The following TOP1MT variants were observed in gnomAD, a reference collection of about 807,000 sequenced individuals.
The protein encoded by TOP1MT is DNA topoisomerase I, mitochondrial.
A neutral mutation model predicts 73.9 loss-of-function variants in TOP1MT; 80 were observed. The ratio of observed to expected loss-of-function variants is 1.08; its 90% CI spans 0.90 to 1.30. The LOEUF (loss-of-function observed/expected upper bound fraction) is 1.30, where lower values mean the gene tolerates loss of function less well. Ranked by LOEUF, TOP1MT falls within the 50% of genes most tolerant of loss-of-function variation. TOP1MT has a pLI of 0.00. For missense variants in TOP1MT, 815 were observed against 808.0 expected (o/e 1.01, Z -0.10); for synonymous variants, 338 against 326.4 (o/e 1.04, Z -0.38).
chr8:143,329,616 A>C (rs1816799795), intron 2 of TOP1MT, 145 bp from the exon 3 acceptor site: 1 of 959,950 alleles, frequency 1.0e-6, no homozygotes, highest in Non-Finnish European at 1.5e-6. Context: ...GTTCAGAAGC[A>C]TGTTCTGCAT....
intron 1 of TOP1MT, among the ~76,000 whole-genome samples, chr8:143,333,078 A>T (rs1282021787): frequency 6.6e-6 from 1 of 152,208 alleles, no homozygotes; most frequent in African/African-American, 2.4e-5. Flanking sequence ...AAACCTAGAC[A>T]ACGCCTTCTT....
In TOP1MT at chr8:143,326,465, T is replaced by C. The variant is rs1407654220; in HGVS notation, c.361-121A>G. The stretch of plus-strand genomic sequence containing the variant: ...ATGTCCGACGGAGGCGTGTGTGCAA[T>C]AGGCAGAACCTGCGCACGGTCCTGC... On this transcript the variant is annotated intron_variant, in intron 3 of 13. Coordinates refer to ENST00000329245, the MANE Select transcript of TOP1MT (RefSeq NM_052963.3). The C allele has an allele frequency of 2.5e-5, 34 of 1,361,096 alleles. No homozygotes were observed. In the Admixed American group the frequency reaches 2.8e-4, roughly 11 times the overall value. 84.3% of individuals were successfully genotyped at this position (1,361,096 alleles called of 1,614,324 possible). A position where few individuals can be genotyped will look rare whatever the true frequency, so the allele number is the denominator to read the frequency against.
intron 1 of TOP1MT, among the ~76,000 whole-genome samples, chr8:143,354,041 A>G (rs1263100601): frequency 6.6e-6 from 1 of 151,646 alleles, no homozygotes; most frequent in Non-Finnish European, 1.5e-5. Flanking sequence ...GGAGCCAGAA[A>G]TTCCACTTCT....
At chr8:143,311,148 T>C (rs1816005589) in intron 12 of TOP1MT, among the ~76,000 whole-genome samples, 1 of 146,738 alleles carries the variant, frequency 6.8e-6, no homozygotes, top group East Asian at 2.0e-4. Context: ...TTTGTATTTT[T>C]AGCAGAGACA....
intron 12 of TOP1MT, among the ~76,000 whole-genome samples, chr8:143,313,223 A>G (rs1816058720): frequency 6.6e-6 from 1 of 152,208 alleles, no homozygotes; most frequent in Admixed American, 6.5e-5. Context: ...GACTCATCCA[A>G]ATCTTAAATG....
At chr8:143,322,763 C>G (rs1210568683) in intron 7 of TOP1MT, among the ~76,000 whole-genome samples, 3 of 35,904 alleles carry the variant, frequency 8.4e-5, no homozygotes, top group African/African-American at 1.3e-4. Flanking sequence ...ACGCCACACA[C>G]GCACGCCACA....
At chr8:143,327,816 G>C in intron 3 of TOP1MT, 2 of 398,298 alleles carry the variant, frequency 5.0e-6, no homozygotes, top group Non-Finnish European at 9.9e-6. Context: ...GGAAGCACAG[G>C]CTCCAGCAGC....
upstream of TOP1MT, among the ~76,000 whole-genome samples, chr8:143,339,113 G>T (rs1053874673): frequency 3.9e-5 from 6 of 152,216 alleles, no homozygotes; most frequent in Non-Finnish European, 8.8e-5. Flanking sequence ...TGCAGGGACT[G>T]CCCAGGTGGG....
intron 7 of TOP1MT, among the ~76,000 whole-genome samples, chr8:143,322,537 G>GCACGCCA (rs1816483603): frequency 1.2e-5 from 1 of 85,788 alleles, no homozygotes. Flanking sequence ...CGCCAAAGAT[G>GCACGCCA]CACGCCACAC....
rs764300347 is a variant in TOP1MT, at chr8:143,309,776, G to A, written c.1704-233C>T. On this transcript the variant is annotated intron_variant, in intron 13 of 13. Coordinates refer to ENST00000329245, the MANE Select transcript of TOP1MT (RefSeq NM_052963.3). ...GGCCTAGGTGTCCACCGAGCAGGGC[G>A]CTCAGCCACCTCCCACTCCCTGTGG... The A allele has an allele frequency of 2.0e-5, 30 of 1,533,222 alleles. No homozygotes were observed. In the South Asian group the frequency reaches 2.4e-4, roughly 12 times the overall value. The allele number at this position is 1,533,222 out of a possible 1,614,324, so 95.0% of individuals were successfully genotyped here.
chr8:143,310,336 A>G, intron 12 of TOP1MT, 119 bp from the exon 13 acceptor site: 1 of 743,222 alleles, frequency 1.3e-6, no homozygotes, highest in Non-Finnish European at 2.0e-6. Flanking sequence ...TGTCATTGTC[A>G]TCAGTCATCC....
rs758794605 is a variant in TOP1MT, at chr8:143,321,354, GTCC to G, written c.990_992del (p.Glu330del). ...AGCCCACGGTGTCGGCCGCCTCACC[GTCC>G]TCCTTCTCATTTCCTGCTCTCAGTG... On this transcript the variant is annotated inframe_deletion, in exon 8 of 14. Coordinates refer to ENST00000329245, the MANE Select transcript of TOP1MT (RefSeq NM_052963.3). 5 of 1,595,432 alleles carry G rather than the reference GTCC, an allele frequency of 3.1e-6. No homozygotes were observed. The highest frequency in any genetic ancestry group is 3.4e-5 in the Admixed American group (2 of 59,144).
chr8:143,324,192 A>G, intron 6 of TOP1MT, 50 bp from the exon 7 acceptor site: 2 of 1,602,728 alleles, frequency 1.2e-6, no homozygotes, highest in Non-Finnish European at 1.7e-6. Context: ...CCTGTTAAAT[A>G]ACGGAGGAGG....
chr8:143,337,903 CCT>C (rs747385075), upstream of TOP1MT, among the ~76,000 whole-genome samples: 186 of 152,288 alleles, frequency 1.2e-3, 1 homozygote, highest in African/African-American at 2.5e-3. Context: ...TGCGTAACTC[CCT>C]GTTTGGTTCT....
intron 3 of TOP1MT, among the ~76,000 whole-genome samples, chr8:143,327,953 C>A (rs1004548041): frequency 1.3e-5 from 2 of 152,116 alleles, no homozygotes; most frequent in Non-Finnish European, 2.9e-5. Flanking sequence ...AAAACCAAAA[C>A]TTCTAGGAAA....
At chr8:143,342,793 A>ATT (rs1412936716) in intron 2 of TOP1MT, among the ~76,000 whole-genome samples, 5 of 148,648 alleles carry the variant, frequency 3.4e-5, no homozygotes, top group Middle Eastern at 3.6e-3. Flanking sequence ...TATTATTATT[A>ATT]TTATTATTAG....
At chr8:143,318,744 ACCC>A (rs1816245891) in intron 8 of TOP1MT, among the ~76,000 whole-genome samples, 1 of 151,208 alleles carries the variant, frequency 6.6e-6, no homozygotes. Flanking sequence ...GAGGCCCCGC[ACCC>A]CCAACTGGCC....
intron 7 of TOP1MT, among the ~76,000 whole-genome samples, chr8:143,322,176 C>CAG (rs1816443133): frequency 9.2e-6 from 1 of 109,036 alleles, no homozygotes; most frequent in South Asian, 4.1e-4. Flanking sequence ...GCATGCCACA[C>CAG]GCACGCCACA....
chr8:143,343,352 CAG>C (rs1817165523), intron 1 of TOP1MT: 3 of 447,258 alleles, frequency 6.7e-6, no homozygotes, highest in South Asian at 1.6e-5. Context: ...ATTCTAACAA[CAG>C]AGAGTCAGAA....
Sources: allele counts gnomAD v4.1 joint callset (sites outside exome capture counted in the v4.1 genomes callset), GRCh38; gene constraint gnomAD v4.1.1; transcripts MANE v1.5; gene names NCBI Gene and HGNC (gene_info 2026-07-23, HGNC 2026-07-21).